The following SGCD variants were observed in gnomAD, a reference collection of about 807,000 sequenced individuals.
The protein encoded by SGCD is sarcoglycan delta.
Under a neutral mutation model 36.6 loss-of-function variants are expected in SGCD, and 18 were observed. That is an observed-to-expected ratio of 0.49 (90% CI 0.34 to 0.73). SGCD has a LOEUF of 0.73. Among genes scored for constraint, SGCD ranks in the 30% least tolerant of loss-of-function variants. The pLI is 0.01. For synonymous variants in SGCD, 133 were observed against 130.6 expected, an observed-to-expected ratio of 1.02 and a Z score of -0.12; for missense variants, 387 against 346.7, an observed-to-expected ratio of 1.12 and a Z score of -0.92.
At chr5:156,653,728 A>G (rs1305625788) in intron 7 of SGCD, among the ~76,000 whole-genome samples, 4 of 151,862 alleles carry the variant, frequency 2.6e-5, no homozygotes, top group Non-Finnish European at 4.4e-5. Flanking sequence ...ACTCCATGCT[A>G]TTGATTGCTA....
chr5:156,552,752 A>T (rs996677710), intron 4 of SGCD, among the ~76,000 whole-genome samples: 1 of 152,142 alleles, frequency 6.6e-6, no homozygotes, highest in Non-Finnish European at 1.5e-5. Context: ...AGTAGTATAG[A>T]CTGTTATATA....
At chr5:156,396,603 GAGCATGGTAGGGTAGTTTAC>G (rs1273245604) in intron 3 of SGCD, among the ~76,000 whole-genome samples, 1 of 152,132 alleles carries the variant, frequency 6.6e-6, no homozygotes, top group Non-Finnish European at 1.5e-5. Context: ...CCGCGGTGTG[GAGCATGGTAGGGTAGTTTAC>G]AACGTGTGAC....
chr5:156,179,770 C>T (rs1022109109), intron 3 of SGCD, among the ~76,000 whole-genome samples: 1 of 151,932 alleles, frequency 6.6e-6, no homozygotes, highest in Non-Finnish European at 1.5e-5. Context: ...ATTACAAGTA[C>T]CTGCCACCAT....
At chr5:156,138,574 A>G (rs1055403187) in intron 3 of SGCD, among the ~76,000 whole-genome samples, 8 of 152,238 alleles carry the variant, frequency 5.3e-5, no homozygotes, top group Non-Finnish European at 7.3e-5. Context: ...TTAATATACT[A>G]TAATTGCTTA....
chr5:156,522,503 G>A (rs1757454793), intron 4 of SGCD, among the ~76,000 whole-genome samples: 1 of 152,054 alleles, frequency 6.6e-6, no homozygotes. Flanking sequence ...AACGTCGCAT[G>A]TTCTTACTTA....
At chr5:155,740,900 A>G in the SGCD span, among the ~76,000 whole-genome samples, 29 of 152,348 alleles carry the variant, frequency 1.9e-4, 2 homozygotes, top group South Asian at 5.2e-3. Context: ...TTCTGAGCCA[A>G]ATGTGAGGAC....
chr5:156,059,626 C>T (rs1233911543), intron 1 of SGCD, among the ~76,000 whole-genome samples: 1 of 136,624 alleles, frequency 7.3e-6, no homozygotes, highest in Non-Finnish European at 1.5e-5. Context: ...AGGTGGCAGT[C>T]CTGCTCTGTG....
rs1367217870 is a variant in SGCD at position 156,054,084 on chromosome 5, C to T, written c.-281-63794C>T. ...CAACATTCAGACCACAGCACAAAGG[C>T]AAATCATATATATTTGGGTGGAGAT... On this transcript the variant is annotated intron_variant, in intron 1 of 9. Transcript: ENST00000517913. Among the ~76,000 whole-genome samples the T allele has an allele frequency of 2.1e-5, 3 of 145,370 alleles. 1 individual carries two copies. Among genetic ancestry groups the T allele is most frequent in the Non-Finnish European group, 4.6e-5 (3 of 64,620 alleles).
intron 3 of SGCD, among the ~76,000 whole-genome samples, chr5:156,505,832 G>A (rs936657045): frequency 2.6e-5 from 4 of 151,550 alleles, no homozygotes; most frequent in Non-Finnish European, 4.4e-5. Flanking sequence ...GAAAAAACAC[G>A]GTGGAGCAAT....
chr5:156,337,005 A>T (rs142511501), intron 2 of SGCD, among the ~76,000 whole-genome samples: 22 of 152,348 alleles, frequency 1.4e-4, no homozygotes, highest in African/African-American at 5.3e-4. Context: ...ATGTTGTTAC[A>T]TCAAAACTAA....
chr5:156,115,200 T>A (rs1360760621), intron 1 of SGCD, among the ~76,000 whole-genome samples: 1 of 152,062 alleles, frequency 6.6e-6, no homozygotes, highest in Admixed American at 6.6e-5. Flanking sequence ...TTAAGAAAAA[T>A]TGGAAAATTT....
intron 3 of SGCD, among the ~76,000 whole-genome samples, chr5:156,173,023 A>G (rs1375781046): frequency 1.3e-5 from 2 of 152,144 alleles, no homozygotes; most frequent in African/African-American, 4.8e-5. Flanking sequence ...CTAATCATGG[A>G]TTAACATAAA....
chr5:156,372,431 A>G (rs1242802912), intron 3 of SGCD, among the ~76,000 whole-genome samples: 2 of 152,224 alleles, frequency 1.3e-5, no homozygotes, highest in Non-Finnish European at 2.9e-5. Context: ...TCTCCAGTCC[A>G]TTAAGAAGCC....
At chr5:155,861,669 G>A in the SGCD span, among the ~76,000 whole-genome samples, 3 of 152,102 alleles carry the variant, frequency 2.0e-5, no homozygotes, top group Non-Finnish European at 1.5e-5. Context: ...AGTGAGCCAA[G>A]ATTGTGCCAC....
At chr5:156,593,837 CTT>C (rs1205014111) in intron 5 of SGCD, among the ~76,000 whole-genome samples, 3 of 152,176 alleles carry the variant, frequency 2.0e-5, no homozygotes. Flanking sequence ...AAGTGACACT[CTT>C]TTGAAAAATA....
At position 156,344,603 on chromosome 5, in the gene SGCD, C is replaced by T; in HGVS notation, c.118C>T (p.Leu40=). 6.2e-7 allele frequency: 1 copy of T among 1,612,176 alleles called. No homozygotes were observed. The highest frequency in any genetic ancestry group is 1.1e-5 in the South Asian group (1 of 90,646). ...GAAACGATGCCTGTATTTCTTTGTC[C>T]TGCTCCTCATGATTTTAATACTGGT... ...WRKRCLYFFV[L]LLMILILVNL... is the part of the protein sequence containing the mutation. The change falls in exon 3 of 9, where the codon CTG becomes TTG. Residue 40 remains leucine (L), a synonymous_variant. Coordinates refer to ENST00000337851, the MANE Select transcript of SGCD (RefSeq NM_000337.6).
the SGCD span, among the ~76,000 whole-genome samples, chr5:155,751,956 CTGTT>C: frequency 6.6e-6 from 1 of 152,114 alleles, no homozygotes; most frequent in Non-Finnish European, 1.5e-5. Flanking sequence ...TTCTCTGAGA[CTGTT>C]TGTGTATGCT....
rs368838376 is a variant in SGCD, at chr5:156,647,471, G to A, written c.510G>A (p.Glu170=). Residue 170 remains glutamate, a synonymous_variant, in exon 7 of 9, where the codon GAG becomes GAA. Transcript: ENST00000337851. Reference sequence around the variant, plus strand: ...TTTCTGTTTTGTTTACAGGAGCGGAGGGCACAGTGTTCCCTAAATCTATAG... The same window carrying A: ...TTTCTGTTTTGTTTACAGGAGCGGAAGGCACAGTGTTCCCTAAATCTATAG... The part of the protein sequence containing the change: ...GAERLRVLGA[E]GTVFPKSIET... The A allele has an allele frequency of 2.7e-4, 425 of 1,582,762 alleles. 1 individual carries two copies. The highest frequency in any genetic ancestry group is 1.3e-3 in the Middle Eastern group (8 of 6,022).
chr5:156,331,341 C>G (rs1282008077), intron 2 of SGCD, among the ~76,000 whole-genome samples: 1 of 152,194 alleles, frequency 6.6e-6, no homozygotes, highest in East Asian at 1.9e-4. Flanking sequence ...GCCTCTCAGA[C>G]AGGTCTGTAG....
Sources: allele counts gnomAD v4.1 joint callset (sites outside exome capture counted in the v4.1 genomes callset), GRCh38; gene constraint gnomAD v4.1.1; transcripts MANE v1.5; gene names NCBI Gene and HGNC (gene_info 2026-07-23, HGNC 2026-07-21).